Variants in CAGE1 observed in about 807,000 individuals in gnomAD.
CAGE1 encodes cancer antigen 1, also known as cancer-associated gene 1 protein.
CAGE1 carries 66 observed loss-of-function variants against 94.9 expected under a neutral mutation model. That is an observed-to-expected ratio of 0.70 (90% CI 0.57 to 0.85). The LOEUF (loss-of-function observed/expected upper bound fraction) is 0.85, where lower values mean the gene tolerates loss of function less well. Ranked by LOEUF, CAGE1 falls within the 40% of genes least tolerant of loss-of-function variation. The probability of loss-of-function intolerance (pLI) is 0.00; values close to 1 mark genes in which losing one functional copy is unlikely to be tolerated. For synonymous variants in CAGE1, 319 were observed against 321.0 expected, an observed-to-expected ratio of 0.99 and a Z score of 0.07; for missense variants, 865 against 950.4, an observed-to-expected ratio of 0.91 and a Z score of 1.18.
In CAGE1 at chr6:7,341,725, G is replaced by C. The variant is rs144366546; in HGVS notation, c.2370-7635C>G. 1.2e-4 allele frequency: 87 copies of C among 696,618 alleles called. 1 individual carries two copies. Among genetic ancestry groups the C allele is most frequent in the Non-Finnish European group, 1.9e-4 (70 of 365,572 alleles). 43.2% of individuals were successfully genotyped at this position (696,618 alleles called of 1,614,324 possible). On this transcript the variant is annotated intron_variant, in intron 11 of 13. Coordinates refer to ENST00000502583, the MANE Select transcript of CAGE1 (RefSeq NM_001170692.2). ...AAAGCCACTATAGAAGGGAGCAGGC[G>C]CCAGGAAGGCCTCGCTTGGATCACA... is the stretch of plus-strand genomic sequence containing the variant.
chr6:7,385,249 C>T (rs956047139), intron 3 of CAGE1, among the ~76,000 whole-genome samples: 1 of 151,574 alleles, frequency 6.6e-6, no homozygotes, highest in African/African-American at 2.4e-5. Context: ...AGGTGATCCA[C>T]TTGCCTCAGC....
chr6:7,355,002 A>T, intron 11 of CAGE1, 39 bp downstream of exon 11: 1 of 1,430,510 alleles, frequency 7.0e-7, no homozygotes, highest in Non-Finnish European at 9.8e-7. Context: ...AGGTATTAGT[A>T]AATATTCACA....
chr6:7,331,019 G>A, intron 12 of CAGE1, among the ~76,000 whole-genome samples: 1 of 152,166 alleles, frequency 6.6e-6, no homozygotes, highest in African/African-American at 2.4e-5. Context: ...CATTTACTGA[G>A]CATCTGTGGT....
intron 13 of CAGE1, chr6:7,329,336 G>T: frequency 2.8e-6 from 1 of 355,278 alleles, no homozygotes. Context: ...CAATATGCAT[G>T]ATGAGAAGGA....
chr6:7,337,288 C>G (rs1425842855), intron 11 of CAGE1, among the ~76,000 whole-genome samples: 2 of 145,462 alleles, frequency 1.4e-5, no homozygotes, highest in Non-Finnish European at 3.0e-5. Flanking sequence ...GATTGCACCA[C>G]TGCCCTCCAG....
At chr6:7,341,406 T>C in intron 11 of CAGE1, 4 of 875,700 alleles carry the variant, frequency 4.6e-6, no homozygotes, top group Non-Finnish European at 7.6e-6. Context: ...TGTGATGGAT[T>C]CATCAAAAAC....
At chr6:7,388,475 T>A (rs9505191) in intron 1 of CAGE1, among the ~76,000 whole-genome samples, 7,972 of 152,196 alleles carry the variant, frequency 0.052, 342 homozygotes, top group African/African-American at 0.12. Context: ...TTCAAGGGTG[T>A]TAGTGTTTGT....
intron 12 of CAGE1, chr6:7,331,401 C>A: frequency 1.3e-6 from 1 of 781,060 alleles, no homozygotes; most frequent in South Asian, 2.1e-5. Context: ...TGCAGGGTTT[C>A]TGGCATAACC....
chr6:7,357,138 C>T (rs1310597886), intron 9 of CAGE1, among the ~76,000 whole-genome samples: 2 of 151,346 alleles, frequency 1.3e-5, no homozygotes, highest in Non-Finnish European at 2.9e-5. Flanking sequence ...GTGAAGAACC[C>T]TAGAGGAATC....
chr6:7,334,694 C>T (rs1758888102), intron 11 of CAGE1, among the ~76,000 whole-genome samples: 2 of 126,308 alleles, frequency 1.6e-5, no homozygotes, highest in South Asian at 4.9e-4. Context: ...TGCCACTGCA[C>T]TTCAGCCTGG....
chr6:7,373,106 T>C lies in CAGE1; in HGVS notation c.1713A>G (p.Gln571=), dbSNP rs761517292. ...TATCTGACTTCAAGACTTCCTCTAA[T>C]TGATCCTTTAACTGAGCTGTCTCAA... The part of the protein sequence containing the change: ...PKFETAQLKD[Q]LEEVLKSDIT... Residue 571 remains glutamine (Q), a synonymous_variant, in exon 5 of 14, where the codon CAA becomes CAG. Transcript: ENST00000502583. 5.6e-6 allele frequency: 9 copies of C among 1,610,022 alleles called. No individual in the cohort carries two copies. In the South Asian group the frequency reaches 6.6e-5, roughly 12 times the overall value.
intron 3 of CAGE1, among the ~76,000 whole-genome samples, chr6:7,381,705 T>G (rs1217069555): frequency 6.6e-6 from 1 of 151,702 alleles, no homozygotes; most frequent in Non-Finnish European, 1.5e-5. Context: ...ATTTTTGTAT[T>G]TTTAGTAGAG....
intron 5 of CAGE1, among the ~76,000 whole-genome samples, chr6:7,372,264 G>A (rs1413488078): frequency 1.3e-5 from 2 of 152,090 alleles, no homozygotes; most frequent in African/African-American, 4.8e-5. Context: ...TTGAGGTCAT[G>A]AATTCGAGAC....
intron 11 of CAGE1, among the ~76,000 whole-genome samples, chr6:7,347,648 C>T (rs1459092289): frequency 1.3e-5 from 2 of 152,140 alleles, no homozygotes; most frequent in Admixed American, 6.5e-5. Flanking sequence ...AAGCCCTGTT[C>T]TTTCACAGCT....
intron 9 of CAGE1, among the ~76,000 whole-genome samples, chr6:7,365,004 A>G (rs542759085): frequency 4.7e-4 from 72 of 152,292 alleles, no homozygotes; most frequent in African/African-American, 1.5e-3. Context: ...AAATTGCTCT[A>G]TAAGTATCTA....
intron 9 of CAGE1, among the ~76,000 whole-genome samples, chr6:7,360,281 G>C (rs887240308): frequency 6.6e-6 from 1 of 152,126 alleles, no homozygotes. Flanking sequence ...ATCTTTGGGG[G>C]TGCCATTATC....
chr6:7,328,358 A>G (rs1758605291), intron 13 of CAGE1, among the ~76,000 whole-genome samples: 1 of 152,222 alleles, frequency 6.6e-6, no homozygotes, highest in Admixed American at 6.5e-5. Flanking sequence ...GTCAAAGGGT[A>G]TAGTGTGAGC....
intron 6 of CAGE1, 117 bp from the exon 7 acceptor site, chr6:7,368,915 A>G: frequency 4.9e-6 from 3 of 617,844 alleles, no homozygotes; most frequent in Non-Finnish European, 8.4e-6. Context: ...GCCAATCAAA[A>G]GAGGTAAAAT....
At chr6:7,357,022 C>A (rs1759979982) in intron 9 of CAGE1, among the ~76,000 whole-genome samples, 2 of 152,024 alleles carry the variant, frequency 1.3e-5, no homozygotes, top group South Asian at 4.2e-4. Flanking sequence ...GTCTTGAACT[C>A]CTGAGCTCAG....
Sources: gnomAD v4.1 joint callset for allele counts (sites outside exome capture counted in the v4.1 genomes callset) on GRCh38, gnomAD v4.1.1 for gene constraint, MANE v1.5 for transcripts, NCBI Gene and HGNC (gene_info 2026-07-23, HGNC 2026-07-21) for gene names.